Variants in ANO4 observed in about 807,000 individuals in gnomAD.
ANO4 encodes the protein anoctamin-4.
In ANO4, 69 loss-of-function variants were observed where a neutral mutation model predicts 141.9. The observed-to-expected ratio is 0.49, with a 90% confidence interval of 0.40 to 0.59. ANO4 has a LOEUF of 0.59. Among genes scored for constraint, ANO4 ranks in the 20% least tolerant of loss-of-function variants. The pLI is 0.00. For synonymous variants in ANO4, 350 were observed against 394.3 expected (o/e 0.89, Z 1.33); for missense variants, 894 against 1,162.2 (o/e 0.77, Z 3.36).
At position 101,097,861 on chromosome 12, in the gene ANO4, G is replaced by T; in HGVS notation, c.1922G>T (p.Gly641Val). ...RWRLEECHPS[G>V]CLIDLCMQMG... is the part of the protein sequence containing the mutation. ...CTTACCTTGCAGTGCCACCCTAGTG[G>T]ATGCCTTATTGATCTGTGTATGCAA... Residue 641 changes from glycine (G) to valine (V), a missense_variant, in exon 21 of 28, where the codon GGA becomes GTA. Coordinates refer to ENST00000392977, the MANE Select transcript of ANO4 (RefSeq NM_001286615.2). 6.2e-7 allele frequency: 1 copy of T among 1,613,784 alleles called. No homozygotes were observed. The highest frequency in any genetic ancestry group is 1.1e-5 in the South Asian group (1 of 91,066).
At chr12:100,782,736 A>G (rs975976458) in intron 3 of ANO4, among the ~76,000 whole-genome samples, 3 of 152,142 alleles carry the variant, frequency 2.0e-5, no homozygotes, top group Admixed American at 2.0e-4. Flanking sequence ...CAGTGTGTAG[A>G]TATGGTAACT....
At chr12:100,811,886 G>A (rs2135706854) in intron 1 of ANO4, among the ~76,000 whole-genome samples, 1 of 152,206 alleles carries the variant, frequency 6.6e-6, no homozygotes, top group South Asian at 2.1e-4. Flanking sequence ...TCGATATAAA[G>A]CTTTTCTTCT....
At chr12:101,073,457 G>A (rs2048901467) in intron 14 of ANO4, among the ~76,000 whole-genome samples, 1 of 151,912 alleles carries the variant, frequency 6.6e-6, no homozygotes, top group Admixed American at 6.6e-5. Flanking sequence ...AGCGTTAGGA[G>A]AAATACCTAA....
chr12:101,114,691 T>G (rs1050492077), intron 24 of ANO4, among the ~76,000 whole-genome samples: 7 of 152,076 alleles, frequency 4.6e-5, no homozygotes, highest in Non-Finnish European at 1.0e-4. Flanking sequence ...CAGAACACCT[T>G]TCCCTTCCCA....
At chr12:100,814,396 A>G (rs1365150492) in intron 1 of ANO4, among the ~76,000 whole-genome samples, 1 of 152,076 alleles carries the variant, frequency 6.6e-6, no homozygotes, top group African/African-American at 2.4e-5. Flanking sequence ...ATGTTTTTCT[A>G]ATATTTAAGG....
intron 1 of ANO4, among the ~76,000 whole-genome samples, chr12:100,815,118 A>G (rs2035662934): frequency 6.6e-6 from 1 of 152,142 alleles, no homozygotes; most frequent in Admixed American, 6.6e-5. Flanking sequence ...GGGAATGGTT[A>G]TCAGTTACCT....
chr12:100,952,998 C>T (rs748336397), intron 5 of ANO4, among the ~76,000 whole-genome samples: 15 of 152,158 alleles, frequency 9.9e-5, no homozygotes, highest in Non-Finnish European at 2.1e-4. Flanking sequence ...TTATACAAGG[C>T]ACAGCTGAAA....
At chr12:100,825,877 A>G (rs1469341309) in intron 1 of ANO4, among the ~76,000 whole-genome samples, 1 of 152,100 alleles carries the variant, frequency 6.6e-6, no homozygotes, top group Non-Finnish European at 1.5e-5. Context: ...TGGAGGATTT[A>G]AGTGTTATTA....
intron 1 of ANO4, among the ~76,000 whole-genome samples, chr12:100,889,663 G>C (rs905479160): frequency 2.0e-5 from 3 of 152,150 alleles, no homozygotes; most frequent in Non-Finnish European, 2.9e-5. Context: ...GGCCATCAGA[G>C]AAATGCAAAT....
At chr12:100,729,378 AAAAAAAAAAAAAG>A (rs1487580676) in intron 1 of ANO4, among the ~76,000 whole-genome samples, 4 of 149,818 alleles carry the variant, frequency 2.7e-5, no homozygotes, top group East Asian at 1.9e-4. Context: ...AAAAAAAAAA[AAAAAAAAAAAAAG>A]GTAACACTAA....
chr12:100,720,515 A>C (rs1356791030), intron 1 of ANO4, among the ~76,000 whole-genome samples: 1 of 151,822 alleles, frequency 6.6e-6, no homozygotes, highest in Non-Finnish European at 1.5e-5. Context: ...ACAGGAAGAC[A>C]GTGCAGTCTG....
At chr12:101,049,138 G>A (rs1045774720) in intron 14 of ANO4, among the ~76,000 whole-genome samples, 10 of 152,164 alleles carry the variant, frequency 6.6e-5, no homozygotes, top group Admixed American at 1.3e-4. Flanking sequence ...GAACAACGAG[G>A]AGAGACAAAC....
intron 3 of ANO4, among the ~76,000 whole-genome samples, chr12:100,752,076 G>A (rs2032409540): frequency 6.6e-6 from 1 of 152,148 alleles, no homozygotes; most frequent in African/African-American, 2.4e-5. Context: ...ACTCAAATGA[G>A]ATAAAATAGG....
At chr12:100,736,011 A>G (rs1479138905) in intron 2 of ANO4, among the ~76,000 whole-genome samples, 1 of 152,212 alleles carries the variant, frequency 6.6e-6, no homozygotes, top group Non-Finnish European at 1.5e-5. Flanking sequence ...CGGTGAGGGT[A>G]GAAATAATGA....
chr12:100,774,651 C>T (rs145027323), intron 3 of ANO4, among the ~76,000 whole-genome samples: 38 of 152,332 alleles, frequency 2.5e-4, no homozygotes, highest in East Asian at 7.7e-4. Flanking sequence ...ACAACATATG[C>T]GAATGCACTT....
At chr12:100,957,535 G>T (rs527840754) in intron 5 of ANO4, among the ~76,000 whole-genome samples, 2 of 152,328 alleles carry the variant, frequency 1.3e-5, no homozygotes, top group East Asian at 3.9e-4. Flanking sequence ...TGTCATTGGG[G>T]AGTATATTGA....
At chr12:100,753,332 C>G (rs772217544) in intron 3 of ANO4, among the ~76,000 whole-genome samples, 3 of 152,150 alleles carry the variant, frequency 2.0e-5, no homozygotes, top group African/African-American at 7.2e-5. Flanking sequence ...ATCACAGCCT[C>G]TCTATCTCAC....
At chr12:100,752,164 C>G (rs966948172) in intron 3 of ANO4, among the ~76,000 whole-genome samples, 1 of 152,152 alleles carries the variant, frequency 6.6e-6, no homozygotes, top group African/African-American at 2.4e-5. Flanking sequence ...GATTCCTTCT[C>G]TCCCTTCTCT....
At chr12:100,765,334 A>G (rs1163822129) in intron 3 of ANO4, among the ~76,000 whole-genome samples, 2 of 148,982 alleles carry the variant, frequency 1.3e-5, no homozygotes, top group Non-Finnish European at 3.0e-5. Flanking sequence ...TTGTTTTCCA[A>G]GCCTAGCTAA....
Sources: allele counts gnomAD v4.1 joint callset (sites outside exome capture counted in the v4.1 genomes callset), GRCh38; gene constraint gnomAD v4.1.1; transcripts MANE v1.5; gene names NCBI Gene and HGNC (gene_info 2026-07-23, HGNC 2026-07-21).